UNC5D: variants seen among roughly 807,000 people sequenced by gnomAD.
The protein encoded by UNC5D is unc-5 netrin receptor D, also known as netrin receptor UNC5D.
In UNC5D, 39 loss-of-function variants were observed where a neutral mutation model predicts 105.4. That is an observed-to-expected ratio of 0.37 (90% CI 0.29 to 0.48). The LOEUF is 0.48. Among genes scored for constraint, UNC5D ranks in the 20% least tolerant of loss-of-function variants. UNC5D has a pLI of 0.98. For missense variants in UNC5D, 991 were observed against 1,202.4 expected, an observed-to-expected ratio of 0.82 and a Z score of 2.60; for synonymous variants, 452 against 450.4, an observed-to-expected ratio of 1.00 and a Z score of -0.04.
At chr8:35,517,598 G>A (rs1298247281) in intron 1 of UNC5D, among the ~76,000 whole-genome samples, 4 of 152,072 alleles carry the variant, frequency 2.6e-5, no homozygotes, top group African/African-American at 7.3e-5. Context: ...AGCAGTTGAG[G>A]TGAGTGCCCA....
chr8:35,596,613 C>T (rs181793102), intron 4 of UNC5D, among the ~76,000 whole-genome samples: 1 of 152,130 alleles, frequency 6.6e-6, no homozygotes, highest in East Asian at 1.9e-4. Flanking sequence ...TTTAGGGAGA[C>T]ATGAGACATC....
intron 1 of UNC5D, among the ~76,000 whole-genome samples, chr8:35,365,027 G>A (rs567005071): frequency 5.2e-4 from 79 of 152,148 alleles, no homozygotes; most frequent in African/African-American, 1.8e-3. Flanking sequence ...AATAGAGTTA[G>A]TTTCACTTGT....
At chr8:35,771,629 A>C (rs1261029523) in intron 15 of UNC5D, among the ~76,000 whole-genome samples, 1 of 152,190 alleles carries the variant, frequency 6.6e-6, no homozygotes, top group Non-Finnish European at 1.5e-5. Context: ...AGAATTGTCC[A>C]CTGTGCCTGG....
chr8:35,340,621 A>G (rs899149546), intron 1 of UNC5D, among the ~76,000 whole-genome samples: 4 of 152,080 alleles, frequency 2.6e-5, no homozygotes, highest in Non-Finnish European at 5.9e-5. Flanking sequence ...TTCATTGTTC[A>G]CCTCTTTGCA....
chr8:35,440,114 C>CAGG lies in UNC5D; in HGVS notation c.104-109178_104-109177insAGG, dbSNP rs1807302219. On this transcript the variant is annotated intron_variant, in intron 1 of 16. Transcript: ENST00000404895. Reference sequence around the variant, plus strand: ...AGTTCAACTCTATCACGCTGGTGACCTGTATTGCCAGGCAGTAGCAATAGG... The same window carrying CAGG: ...AGTTCAACTCTATCACGCTGGTGACCAGGTGTATTGCCAGGCAGTAGCAATAGG... 2.6e-5 allele frequency among the ~76,000 whole-genome samples: 4 copies of CAGG among 152,002 alleles called. 1 individual carries two copies. The highest frequency in any genetic ancestry group is 9.7e-5 in the African/African-American group (4 of 41,410).
At chr8:35,451,536 T>C (rs1219855439) in intron 1 of UNC5D, among the ~76,000 whole-genome samples, 2 of 152,172 alleles carry the variant, frequency 1.3e-5, no homozygotes, top group African/African-American at 4.8e-5. Context: ...GTTAGATGAC[T>C]TGCCCAAGGT....
chr8:35,358,679 A>G (rs1045187457), intron 1 of UNC5D, among the ~76,000 whole-genome samples: 10 of 152,154 alleles, frequency 6.6e-5, no homozygotes, highest in Non-Finnish European at 1.0e-4. Flanking sequence ...CTGCTGTATC[A>G]TGTATTTAAA....
At chr8:35,718,885 A>T (rs560240807) in intron 8 of UNC5D, among the ~76,000 whole-genome samples, 97 of 152,254 alleles carry the variant, frequency 6.4e-4, no homozygotes, top group African/African-American at 2.3e-3. Context: ...GCGAGTGTCC[A>T]TCTAGCAGAG....
intron 1 of UNC5D, among the ~76,000 whole-genome samples, chr8:35,514,050 G>A (rs763071658): frequency 6.6e-6 from 1 of 152,222 alleles, no homozygotes; most frequent in African/African-American, 2.4e-5. Context: ...GGATGGAAAA[G>A]TCCTCCAAGT....
intron 8 of UNC5D, among the ~76,000 whole-genome samples, chr8:35,713,940 A>T (rs1828108608): frequency 1.3e-5 from 2 of 150,452 alleles, no homozygotes; most frequent in Admixed American, 6.6e-5. Context: ...GCAGTGAAAG[A>T]AGTCCACCCA....
chr8:35,599,872 T>C (rs991790952), intron 4 of UNC5D, among the ~76,000 whole-genome samples: 3 of 152,232 alleles, frequency 2.0e-5, no homozygotes, highest in African/African-American at 4.8e-5. Context: ...TACATAAGTA[T>C]ACATGCGCCA....
intron 1 of UNC5D, among the ~76,000 whole-genome samples, chr8:35,278,962 T>G (rs1235663906): frequency 1.3e-5 from 2 of 152,174 alleles, no homozygotes; most frequent in Non-Finnish European, 2.9e-5. Context: ...TTTAGTATGG[T>G]GGGTGCCAGT....
intron 1 of UNC5D, among the ~76,000 whole-genome samples, chr8:35,308,387 C>T (rs1313024675): frequency 6.6e-6 from 1 of 152,126 alleles, no homozygotes; most frequent in African/African-American, 2.4e-5. Flanking sequence ...GAACAGGTTT[C>T]ATGACCACAG....
chr8:35,722,633 C>T (rs1053975992), intron 9 of UNC5D, among the ~76,000 whole-genome samples: 3 of 152,156 alleles, frequency 2.0e-5, no homozygotes, highest in Admixed American at 6.5e-5. Flanking sequence ...TGAGGCATTT[C>T]CATTTTTGAT....
chr8:35,445,064 C>G (rs908681104), intron 1 of UNC5D, among the ~76,000 whole-genome samples: 1 of 151,946 alleles, frequency 6.6e-6, no homozygotes, highest in African/African-American at 2.4e-5. Flanking sequence ...GACAATCTTT[C>G]TTGACCAAGT....
intron 4 of UNC5D, among the ~76,000 whole-genome samples, chr8:35,671,331 A>C (rs1272057794): frequency 1.3e-5 from 2 of 152,204 alleles, no homozygotes; most frequent in Non-Finnish European, 2.9e-5. Flanking sequence ...CCTTTTCAAA[A>C]TATGTTGACT....
intron 1 of UNC5D, among the ~76,000 whole-genome samples, chr8:35,430,747 G>A (rs577269559): frequency 3.3e-5 from 5 of 152,300 alleles, no homozygotes; most frequent in African/African-American, 1.2e-4. Flanking sequence ...TGTGTTGCAT[G>A]AGAACAGAGG....
intron 1 of UNC5D, among the ~76,000 whole-genome samples, chr8:35,420,704 C>T (rs978769342): frequency 6.6e-6 from 1 of 151,136 alleles, no homozygotes; most frequent in Non-Finnish European, 1.5e-5. Flanking sequence ...AAAAATCATA[C>T]TGATGCCTTA....
chr8:35,265,364 A>G (rs987507307), intron 1 of UNC5D, among the ~76,000 whole-genome samples: 1 of 152,148 alleles, frequency 6.6e-6, no homozygotes, highest in Non-Finnish European at 1.5e-5. Flanking sequence ...GATAGATAGT[A>G]AAAATATTAA....
Sources: gnomAD v4.1 joint callset for allele counts (sites outside exome capture counted in the v4.1 genomes callset) on GRCh38, gnomAD v4.1.1 for gene constraint, MANE v1.5 for transcripts, NCBI Gene and HGNC (gene_info 2026-07-23, HGNC 2026-07-21) for gene names.